Variants in PTPRM observed in about 807,000 individuals in gnomAD.
The protein encoded by PTPRM is receptor-type tyrosine-protein phosphatase mu.
PTPRM carries 47 observed loss-of-function variants against 186.7 expected under a neutral mutation model. The observed-to-expected ratio is 0.25, with a 90% CI of 0.20 to 0.32. The LOEUF is 0.32. Among genes scored for constraint, PTPRM ranks in the 10% least tolerant of loss-of-function variants. The pLI, the probability that PTPRM is intolerant of heterozygous loss-of-function variation, is 1.00. For missense variants in PTPRM, 1,494 were observed against 1,865.0 expected (o/e 0.80, Z 3.66); for synonymous variants, 668 against 674.9 (o/e 0.99, Z 0.16).
At chr18:7,802,140 C>T (rs9950569) in intron 2 of PTPRM, among the ~76,000 whole-genome samples, 13,190 of 152,050 alleles carry the variant, frequency 0.087, 1,645 homozygotes, top group African/African-American at 0.28. Flanking sequence ...TCCAGTTTGC[C>T]GCAGCTGCTA....
chr18:7,646,702 C>T (rs1230704881), intron 1 of PTPRM, among the ~76,000 whole-genome samples: 1 of 152,182 alleles, frequency 6.6e-6, no homozygotes, highest in East Asian at 1.9e-4. Flanking sequence ...TAGCACCTGT[C>T]TTACCTGAGC....
chr18:8,099,151 C>T (rs994992388), intron 11 of PTPRM, among the ~76,000 whole-genome samples: 2 of 151,558 alleles, frequency 1.3e-5, no homozygotes, highest in Non-Finnish European at 2.9e-5. Context: ...CTCTCTCTCT[C>T]TCTCTCTTTC....
At chr18:8,131,213 C>T (rs1054750916) in intron 13 of PTPRM, among the ~76,000 whole-genome samples, 1 of 152,132 alleles carries the variant, frequency 6.6e-6, no homozygotes, top group African/African-American at 2.4e-5. Flanking sequence ...ACTTGAACAC[C>T]ATGTGGATGC....
intron 3 of PTPRM, among the ~76,000 whole-genome samples, chr18:7,895,369 A>T (rs1225166809): frequency 6.6e-6 from 1 of 152,172 alleles, no homozygotes; most frequent in Non-Finnish European, 1.5e-5. Context: ...GCGCTTCCTA[A>T]ATGTGTTTAG....
intron 14 of PTPRM, chr18:8,154,875 T>C (rs2093087075): frequency 1.3e-5 from 2 of 152,262 alleles, no homozygotes; most frequent in South Asian, 2.1e-4. Context: ...TAATATCATC[T>C]GAAACCTTCT....
chr18:7,765,718 G>C (rs892513888), intron 1 of PTPRM, among the ~76,000 whole-genome samples: 1 of 152,034 alleles, frequency 6.6e-6, no homozygotes, highest in Admixed American at 6.6e-5. Flanking sequence ...TAATTCTTTT[G>C]GGGGGTACTG....
intron 2 of PTPRM, among the ~76,000 whole-genome samples, chr18:7,798,766 A>T (rs1354615471): frequency 6.6e-6 from 1 of 152,110 alleles, no homozygotes; most frequent in Non-Finnish European, 1.5e-5. Flanking sequence ...CTTCCTGCTA[A>T]CTTCCAATAT....
chr18:8,223,734 G>A (rs1461647438), intron 14 of PTPRM, among the ~76,000 whole-genome samples: 1 of 152,226 alleles, frequency 6.6e-6, no homozygotes, highest in Non-Finnish European at 1.5e-5. Context: ...ACTTCACACA[G>A]TTTAGGAATT....
chr18:7,583,277 A>G (rs1247544389), intron 1 of PTPRM, among the ~76,000 whole-genome samples: 1 of 152,204 alleles, frequency 6.6e-6, no homozygotes, highest in African/African-American at 2.4e-5. Context: ...GGTCCTTTAC[A>G]TATCATTTAT....
intron 20 of PTPRM, among the ~76,000 whole-genome samples, chr18:8,307,810 A>T (rs535391529): frequency 3.3e-5 from 5 of 151,366 alleles, no homozygotes; most frequent in Middle Eastern, 3.4e-3. Flanking sequence ...GTCTCAAAAA[A>T]AAAAAATAAA....
intron 1 of PTPRM, among the ~76,000 whole-genome samples, chr18:7,716,987 T>G (rs1464216328): frequency 6.6e-6 from 1 of 152,244 alleles, no homozygotes; most frequent in East Asian, 1.9e-4. Flanking sequence ...CAAAGGATTA[T>G]AAATCATTCT....
Position 8,151,889 on chromosome 18 carries a change from G to A in PTPRM, c.2300+8110G>A, listed in dbSNP as rs936872058. 1.3e-5 allele frequency among the ~76,000 whole-genome samples: 2 copies of A among 152,110 alleles called. 1 individual carries two copies. The highest frequency in any genetic ancestry group is 1.3e-4 in the Admixed American group (2 of 15,276). ...GGTTCCTCAGGCTCAGTCCCTCACGGCTTCCCTTGGGTAGGGAAAGAAATT... is the reference window on the plus strand; with the variant it reads ...GGTTCCTCAGGCTCAGTCCCTCACGACTTCCCTTGGGTAGGGAAAGAAATT... On this transcript the variant is annotated intron_variant, in intron 14 of 32. Coordinates refer to ENST00000580170, the MANE Select transcript of PTPRM (RefSeq NM_001105244.2).
Position 8,067,793 on chromosome 18 carries a change from G to C in PTPRM, c.1133-1893G>C, listed in dbSNP as rs185970039. ...CCTGAAATGCAGGCCAGGCTCTCTGGTACAGCTGAACTGGGGAATGTGGCC... is the reference window on the plus strand; with the variant it reads ...CCTGAAATGCAGGCCAGGCTCTCTGCTACAGCTGAACTGGGGAATGTGGCC... On this transcript the variant is annotated intron_variant, in intron 7 of 32. Coordinates refer to ENST00000580170, the MANE Select transcript of PTPRM (RefSeq NM_001105244.2). Among the ~76,000 whole-genome samples the C allele has an allele frequency of 2.4e-4, 37 of 152,242 alleles. No individual in the cohort carries two copies. In the East Asian group the frequency reaches 3.3e-3, roughly 13 times the overall value.
intron 11 of PTPRM, among the ~76,000 whole-genome samples, chr18:8,110,979 G>A (rs566823179): frequency 1.5e-3 from 233 of 152,306 alleles, no homozygotes; most frequent in African/African-American, 5.2e-3. Context: ...CTGTGAATGA[G>A]GAATGCCAGC....
intron 6 of PTPRM, among the ~76,000 whole-genome samples, chr18:7,954,325 TATTCACTG>T (rs1206658801): frequency 6.6e-6 from 1 of 152,220 alleles, no homozygotes; most frequent in Non-Finnish European, 1.5e-5. Flanking sequence ...CTTTCCTTTC[TATTCACTG>T]CTTTAGTAAG....
chr18:8,029,654 G>A (rs891048698), intron 7 of PTPRM, among the ~76,000 whole-genome samples: 60 of 152,234 alleles, frequency 3.9e-4, no homozygotes, highest in African/African-American at 1.4e-3. Flanking sequence ...ATAAACATCT[G>A]TCATTCTCAG....
chr18:7,789,453 A>C (rs902803067), intron 2 of PTPRM, among the ~76,000 whole-genome samples: 4 of 152,242 alleles, frequency 2.6e-5, no homozygotes, highest in African/African-American at 9.6e-5. Flanking sequence ...ATCAAGCATT[A>C]GAATAATGCA....
Position 8,143,765 on chromosome 18 carries a change from G to C in PTPRM, c.2286G>C (p.Leu762Phe). 1.2e-6 allele frequency: 2 copies of C among 1,614,012 alleles called. No homozygotes were observed. Among genetic ancestry groups the C allele is most frequent in the South Asian group, 1.1e-5 (1 of 91,068 alleles). ...LFVIIFLGVVLVMKKRKLAKK... is the reference protein window; with the variant it reads ...LFVIIFLGVVFVMKKRKLAKK... ...TGATTATATTTCTTGGAGTTGTGTT[G>C]GTAATGAAGAAAAGGTGAGCTCCTA... Residue 762 changes from leucine to phenylalanine, a missense_variant, in exon 14 of 33, where the codon TTG becomes TTC. By Grantham distance (22) the Leu-to-Phe change is conservative. Around this residue, in one of 3 missense-constraint regions of PTPRM, gnomAD observed 1,107 missense variants for 1,350.2 expected, o/e 0.82. Transcript: ENST00000580170.
At chr18:8,318,694 G>A (rs1360975585) in intron 21 of PTPRM, among the ~76,000 whole-genome samples, 1 of 152,114 alleles carries the variant, frequency 6.6e-6, no homozygotes, top group Non-Finnish European at 1.5e-5. Context: ...TAAATTCCTG[G>A]CCCTTGCTAC....
Sources: gnomAD v4.1 joint callset for allele counts (sites outside exome capture counted in the v4.1 genomes callset) on GRCh38, gnomAD v4.1.1 for gene constraint, gnomAD v4.1.1 regional missense constraint, MANE v1.5 for transcripts, NCBI Gene and HGNC (gene_info 2026-07-23, HGNC 2026-07-21) for gene names.